FBXL20: variants seen among roughly 807,000 people sequenced by gnomAD.
FBXL20 encodes the protein F-box/LRR-repeat protein 20.
In FBXL20, 11 loss-of-function variants were observed where a neutral mutation model predicts 64.0. The ratio of observed to expected loss-of-function variants is 0.17; its 90% confidence interval spans 0.11 to 0.28. The LOEUF (loss-of-function observed/expected upper bound fraction) is 0.28. FBXL20 is among the 10% of genes least tolerant of loss of function. FBXL20 has a pLI of 1.00. For synonymous variants in FBXL20, 184 were observed against 189.0 expected (o/e 0.97, Z 0.22); for missense variants, 303 against 526.2 (o/e 0.58, Z 4.15).
At chr17:39,349,766 C>G (rs1355007507) in intron 1 of FBXL20, among the ~76,000 whole-genome samples, 2 of 152,032 alleles carry the variant, frequency 1.3e-5, no homozygotes, top group Non-Finnish European at 2.9e-5. Context: ...GAAACCCCAT[C>G]TCTACTAAAA....
chr17:39,272,295 A>G (rs1300643343), intron 10 of FBXL20, among the ~76,000 whole-genome samples: 1 of 151,854 alleles, frequency 6.6e-6, no homozygotes, highest in Non-Finnish European at 1.5e-5. Flanking sequence ...TTGAGGCAGG[A>G]CAATCACTTG....
rs111952470 is a variant in FBXL20 at position 39,398,750 on chromosome 17, A to G, written c.42+2611T>C. ...AGTAAAATGGCACAATCTCGGCTCA[A>G]TACAACCTCCGCCTCCTGGGTTCAA... On this transcript the variant is annotated intron_variant, in intron 1 of 14. Transcript: ENST00000264658. Among the ~76,000 whole-genome samples the G allele has an allele frequency of 1.3e-3, 196 of 152,088 alleles. 2 individuals are homozygous for G. The highest frequency in any genetic ancestry group is 2.1e-3 in the Non-Finnish European group (142 of 67,960).
rs1567889935 is a variant in FBXL20, at chr17:39,345,320, T to C, written c.43-2079A>G. Among the ~76,000 whole-genome samples the C allele has an allele frequency of 6.6e-5, 10 of 152,058 alleles. 1 individual carries two copies. The highest frequency in any genetic ancestry group is 6.6e-4 in the Admixed American group (10 of 15,234). On this transcript the variant is annotated intron_variant, in intron 1 of 14. Transcript: ENST00000264658. Reference sequence around the variant, plus strand: ...AAGAGATGTAAGAGAGAACAAAGAATGGCACAACTAATTCTACCCGGAGTT... The same window carrying C: ...AAGAGATGTAAGAGAGAACAAAGAACGGCACAACTAATTCTACCCGGAGTT...
chr17:39,323,363 T>C (rs1359866425), intron 2 of FBXL20, among the ~76,000 whole-genome samples: 2 of 152,108 alleles, frequency 1.3e-5, no homozygotes, highest in African/African-American at 2.4e-5. Flanking sequence ...AGAGAGGAAA[T>C]TCAGTAACAA....
At chr17:39,306,016 G>C (rs542647311) in intron 2 of FBXL20, among the ~76,000 whole-genome samples, 36 of 151,790 alleles carry the variant, frequency 2.4e-4, no homozygotes, top group African/African-American at 8.4e-4. Context: ...AAAAAACAAA[G>C]TAGCCAGGCA....
chr17:39,264,022 T>C, intron 14 of FBXL20, 153 bp downstream of exon 14: 2 of 794,210 alleles, frequency 2.5e-6, no homozygotes, highest in East Asian at 5.4e-5. Flanking sequence ...GGAAAAACTA[T>C]CTGTCCTTAG....
intron 1 of FBXL20, among the ~76,000 whole-genome samples, chr17:39,355,706 T>C (rs2047729883): frequency 6.7e-6 from 1 of 150,290 alleles, no homozygotes; most frequent in Non-Finnish European, 1.5e-5. Flanking sequence ...AATACAAAAA[T>C]TAGCTGCGCG....
chr17:39,355,715 C>T (rs990325023), intron 1 of FBXL20, among the ~76,000 whole-genome samples: 1 of 151,466 alleles, frequency 6.6e-6, no homozygotes, highest in Non-Finnish European at 1.5e-5. Flanking sequence ...ATTAGCTGCG[C>T]GTGGTGGCAG....
At chr17:39,309,527 C>A (rs986815990) in intron 2 of FBXL20, among the ~76,000 whole-genome samples, 3 of 151,878 alleles carry the variant, frequency 2.0e-5, no homozygotes, top group Admixed American at 1.3e-4. Context: ...TATTTAGAGA[C>A]AGAGTTTTTG....
chr17:39,377,693 G>A (rs1049730394), intron 1 of FBXL20, among the ~76,000 whole-genome samples: 3 of 151,996 alleles, frequency 2.0e-5, no homozygotes, highest in African/African-American at 4.8e-5. Context: ...TAGTGGAGAC[G>A]GGGTTTCACC....
intron 1 of FBXL20, among the ~76,000 whole-genome samples, chr17:39,398,668 CGTT>C (rs1163063084): frequency 4.0e-5 from 6 of 151,146 alleles, no homozygotes; most frequent in East Asian, 1.9e-4. Context: ...TACTCACCCT[CGTT>C]GTTTTTTGTT....
At chr17:39,331,479 T>C (rs1334492070) in intron 2 of FBXL20, among the ~76,000 whole-genome samples, 1 of 152,138 alleles carries the variant, frequency 6.6e-6, no homozygotes, top group Non-Finnish European at 1.5e-5. Context: ...GGGGAAGCAT[T>C]TTCTGAACTC....
intron 1 of FBXL20, among the ~76,000 whole-genome samples, chr17:39,388,273 A>G (rs896899503): frequency 6.6e-6 from 1 of 151,890 alleles, no homozygotes; most frequent in African/African-American, 2.4e-5. Flanking sequence ...CCTGACCAAC[A>G]TGGCAAAATC....
upstream of FBXL20, chr17:39,401,711 G>A (rs947145240): frequency 7.9e-6 from 9 of 1,132,774 alleles, no homozygotes; most frequent in African/African-American, 4.9e-5. Context: ...CCCGGGCCTC[G>A]GAGCGCCCGG....
chr17:39,347,606 G>A (rs1239359800), intron 1 of FBXL20, among the ~76,000 whole-genome samples: 1 of 152,120 alleles, frequency 6.6e-6, no homozygotes, highest in East Asian at 1.9e-4. Context: ...TGTCAGATGG[G>A]AAGATTGTAA....
At chr17:39,330,652 C>A (rs921809052) in intron 2 of FBXL20, among the ~76,000 whole-genome samples, 3 of 152,096 alleles carry the variant, frequency 2.0e-5, no homozygotes, top group African/African-American at 7.2e-5. Flanking sequence ...AAATAATTTG[C>A]TTTTAAAGAA....
At chr17:39,266,065 CTTTTTTTTTTTTTTTT>C (rs34822405) in intron 12 of FBXL20, among the ~76,000 whole-genome samples, 1 of 62,734 alleles carries the variant, frequency 1.6e-5, no homozygotes, top group Non-Finnish European at 3.0e-5. Context: ...CTCATTCATT[CTTTTTTTTTTTTTTTT>C]TTTTTTTTTG....
chr17:39,377,824 T>C (rs2047982830), intron 1 of FBXL20, among the ~76,000 whole-genome samples: 1 of 152,144 alleles, frequency 6.6e-6, no homozygotes, highest in African/African-American at 2.4e-5. Context: ...TCTTGATAGA[T>C]TGGCTCTATC....
intron 2 of FBXL20, among the ~76,000 whole-genome samples, chr17:39,328,896 A>G (rs928374934): frequency 6.6e-6 from 1 of 152,096 alleles, no homozygotes; most frequent in Admixed American, 6.6e-5. Context: ...TCTACAAAAA[A>G]TTTAAAAATT....
Sources: allele counts gnomAD v4.1 joint callset (sites outside exome capture counted in the v4.1 genomes callset), GRCh38; gene constraint gnomAD v4.1.1; transcripts MANE v1.5; gene names NCBI Gene and HGNC (gene_info 2026-07-23, HGNC 2026-07-21).